KIAA0825: variants seen among roughly 807,000 people sequenced by gnomAD.
The protein encoded by KIAA0825 is KIAA0825.
A neutral mutation model predicts 147.6 loss-of-function variants in KIAA0825; 119 were observed. The observed-to-expected ratio is 0.81, with a 90% confidence interval of 0.69 to 0.94. KIAA0825 has a LOEUF of 0.94. Ranked by LOEUF, KIAA0825 falls within the 40% of genes least tolerant of loss-of-function variation. The pLI is 0.00. For missense variants in KIAA0825, 1,381 were observed against 1,472.7 expected (o/e 0.94, Z 1.02); for synonymous variants, 470 against 518.1 (o/e 0.91, Z 1.26).
At chr5:94,419,582 A>G (rs1218079638) in intron 14 of KIAA0825, among the ~76,000 whole-genome samples, 1 of 152,124 alleles carries the variant, frequency 6.6e-6, no homozygotes, top group Non-Finnish European at 1.5e-5. Flanking sequence ...TCTTCAGGCT[A>G]TATGTGTTTT....
chr5:94,500,958 G>C (rs1005395409), intron 5 of KIAA0825, among the ~76,000 whole-genome samples: 7 of 151,748 alleles, frequency 4.6e-5, no homozygotes, highest in African/African-American at 1.7e-4. Flanking sequence ...TTTGTATTTT[G>C]AGTAGAGACA....
At chr5:94,344,566 C>T (rs145718364) in intron 20 of KIAA0825, among the ~76,000 whole-genome samples, 128 of 152,174 alleles carry the variant, frequency 8.4e-4, no homozygotes, top group Middle Eastern at 6.8e-3. Context: ...ATAACCCAAA[C>T]GACTGAGAGC....
At chr5:94,194,802 C>G (rs1282735016) in intron 20 of KIAA0825, among the ~76,000 whole-genome samples, 1 of 152,220 alleles carries the variant, frequency 6.6e-6, no homozygotes, top group Non-Finnish European at 1.5e-5. Flanking sequence ...TGATCTCTCA[C>G]CTCCTTCACA....
intron 20 of KIAA0825, among the ~76,000 whole-genome samples, chr5:94,264,386 GTACATGTGTGTTA>G (rs1776646256): frequency 3.3e-5 from 5 of 152,124 alleles, no homozygotes; most frequent in African/African-American, 1.2e-4. Flanking sequence ...TAATCTCTTA[GTACATGTGTGTTA>G]AATGAATGAA....
At chr5:94,401,554 C>T (rs1751377405) in intron 16 of KIAA0825, among the ~76,000 whole-genome samples, 1 of 152,122 alleles carries the variant, frequency 6.6e-6, no homozygotes, top group African/African-American at 2.4e-5. Context: ...TGGCCTCTCC[C>T]CAAGAGCATG....
At chr5:94,442,735 A>G (rs1757243928) in intron 13 of KIAA0825, among the ~76,000 whole-genome samples, 2 of 152,114 alleles carry the variant, frequency 1.3e-5, no homozygotes, top group South Asian at 2.1e-4. Flanking sequence ...TTTCCTACCT[A>G]TATATTATGC....
chr5:94,371,549 G>A (rs997844965), intron 20 of KIAA0825, among the ~76,000 whole-genome samples: 2 of 152,108 alleles, frequency 1.3e-5, no homozygotes, highest in African/African-American at 4.8e-5. Context: ...AGAGCCGAGC[G>A]AGGGGGGAAG....
At chr5:94,601,731 A>G (rs943229044) in intron 1 of KIAA0825, among the ~76,000 whole-genome samples, 2 of 152,194 alleles carry the variant, frequency 1.3e-5, no homozygotes, top group Non-Finnish European at 2.9e-5. Context: ...ACCATACAAC[A>G]ATTTCATAAT....
Position 94,458,579 on chromosome 5 carries a change from T to C in KIAA0825, c.2246+3808A>G, listed in dbSNP as rs572181001. Among the ~76,000 whole-genome samples the C allele has an allele frequency of 5.3e-5, 8 of 152,196 alleles. No homozygotes were observed. In the South Asian group the frequency reaches 1.2e-3, roughly 24 times the overall value. On this transcript the variant is annotated intron_variant, in intron 12 of 20. Coordinates refer to ENST00000682413, the MANE Select transcript of KIAA0825 (RefSeq NM_001145678.3). ...CTCTTTTGGGGTATTTTAACCTTAT[T>C]AGGATGATATATAAAGCTGTTTAAT...
chr5:94,375,543 A>G (rs1747435191), intron 20 of KIAA0825, among the ~76,000 whole-genome samples: 1 of 152,130 alleles, frequency 6.6e-6, no homozygotes, highest in African/African-American at 2.4e-5. Context: ...CTACTGGTTA[A>G]TATCCAAATG....
chr5:94,486,579 C>T (rs984698485), intron 5 of KIAA0825, among the ~76,000 whole-genome samples: 5 of 152,102 alleles, frequency 3.3e-5, no homozygotes, highest in Non-Finnish European at 7.4e-5. Flanking sequence ...TACAAAAACT[C>T]TGTTTCATCT....
In KIAA0825 at chr5:94,476,018, G is replaced by A. The variant is rs1051498908; in HGVS notation, c.1227+1093C>T. Among the ~76,000 whole-genome samples the A allele has an allele frequency of 3.3e-5, 5 of 152,162 alleles. No homozygotes were observed. The South Asian group carries it at 6.2e-4, about 19-fold the overall frequency. On this transcript the variant is annotated intron_variant, in intron 7 of 20. Transcript: ENST00000682413. ...TCACATGGTTTTCTCTTCTATGCACGAAGTAGATAATCTGTTGAATCTCTA... is the reference window on the plus strand; with the variant it reads ...TCACATGGTTTTCTCTTCTATGCACAAAGTAGATAATCTGTTGAATCTCTA...
At chr5:94,606,531 C>G (rs1787521324) in intron 1 of KIAA0825, among the ~76,000 whole-genome samples, 1 of 152,194 alleles carries the variant, frequency 6.6e-6, no homozygotes, top group South Asian at 2.1e-4. Context: ...GTGACCAAAA[C>G]AACTTGGTAT....
intron 15 of KIAA0825, among the ~76,000 whole-genome samples, chr5:94,406,694 T>C (rs149696890): frequency 1.3e-5 from 2 of 152,332 alleles, no homozygotes; most frequent in African/African-American, 4.8e-5. Flanking sequence ...GTAAAAACAG[T>C]GAGCTTTGTG....
At chr5:94,324,863 T>A (rs1221152252) in intron 20 of KIAA0825, among the ~76,000 whole-genome samples, 1 of 151,656 alleles carries the variant, frequency 6.6e-6, no homozygotes, top group Non-Finnish European at 1.5e-5. Context: ...ACCTATTAGG[T>A]AATTTCTGGT....
chr5:94,545,999 C>G (rs1480641859), intron 2 of KIAA0825, among the ~76,000 whole-genome samples: 4 of 152,152 alleles, frequency 2.6e-5, no homozygotes, highest in Non-Finnish European at 5.9e-5. Context: ...AAGGGTGAGT[C>G]TCATGCCTGG....
intron 15 of KIAA0825, among the ~76,000 whole-genome samples, chr5:94,404,873 C>T (rs546119801): frequency 1.3e-5 from 2 of 152,188 alleles, no homozygotes; most frequent in East Asian, 3.9e-4. Flanking sequence ...GCTTCGGTGT[C>T]CTCATTTATA....
chr5:94,467,058 C>A (rs1223550038), intron 10 of KIAA0825, among the ~76,000 whole-genome samples: 5 of 152,102 alleles, frequency 3.3e-5, no homozygotes, highest in African/African-American at 9.7e-5. Flanking sequence ...TTAACAGCTA[C>A]CATTTAGTGA....
chr5:94,471,604 A>G lies in KIAA0825; in HGVS notation c.1583T>C (p.Leu528Pro). 2.6e-6 allele frequency: 4 copies of G among 1,551,988 alleles called. No individual in the cohort carries two copies. The highest frequency in any genetic ancestry group is 1.4e-5 in the African/African-American group (1 of 73,160). ...CTTGGCTCTCTCTTGCAGTCTCTGC[A>G]GGACAGCTGTTGCCACTTTACAACA... Reference protein sequence around the residue: ...EACCKVATAVLQRLQERAKEV... With the variant: ...EACCKVATAVPQRLQERAKEV... Residue 528 changes from leucine (L) to proline (P), a missense_variant, in exon 9 of 21, where the codon CTG becomes CCG. Physicochemically the swap from Leu to Pro is moderately conservative, Grantham distance 98 (BLOSUM62 -3). Transcript: ENST00000682413.
Sources: gnomAD v4.1 joint callset for allele counts (sites outside exome capture counted in the v4.1 genomes callset) on GRCh38, gnomAD v4.1.1 for gene constraint, MANE v1.5 for transcripts, NCBI Gene and HGNC (gene_info 2026-07-23, HGNC 2026-07-21) for gene names.